The following RAP1GAP variants were observed in gnomAD, a reference collection of about 807,000 sequenced individuals.
The protein encoded by RAP1GAP is rap1 GTPase-activating protein 1.
Under a neutral mutation model 87.2 loss-of-function variants are expected in RAP1GAP, and 35 were observed. The observed-to-expected ratio is 0.40, with a 90% CI of 0.31 to 0.53. The LOEUF (loss-of-function observed/expected upper bound fraction) is 0.53, where lower values mean the gene tolerates loss of function less well. RAP1GAP is among the 20% of genes least tolerant of loss of function. RAP1GAP has a pLI of 0.48. For missense variants in RAP1GAP, 734 were observed against 898.9 expected (o/e 0.82, Z 2.35); for synonymous variants, 375 against 363.9 (o/e 1.03, Z -0.35).
In RAP1GAP at chr1:21,658,758, TAATA is replaced by T. The variant is rs371697815; in HGVS notation, c.-148-8966_-148-8963del. 7.4e-4 allele frequency among the ~76,000 whole-genome samples: 113 copies of T among 151,982 alleles called. No homozygotes were observed. The East Asian group carries it at 0.018, about 24-fold the overall frequency. On this transcript the variant is annotated intron_variant, in intron 1 of 24. Coordinates refer to ENST00000374765, the MANE Select transcript of RAP1GAP (RefSeq NM_002885.4). ...TTTTTTAAATCTAAGGGTATATTTT[TAATA>T]AATAGGTGCCCAAGGCTGGTTACTT...
chr1:21,613,794 G>A lies in RAP1GAP; in HGVS notation c.396-88C>T. ...CCCCCACAAAGTAAGGCCAGAAGGG[G>A]GTGGACCACAGCGAGGACCAGAGGT... On this transcript the variant is annotated intron_variant, in intron 8 of 24. Transcript: ENST00000374765. This position sits in a 1 kb window ranked among gnomAD's most constrained non-coding sequence, Gnocchi z 4.7. 3 of 1,354,440 alleles carry A rather than the reference G, an allele frequency of 2.2e-6. No individual in the cohort carries two copies. Among genetic ancestry groups the A allele is most frequent in the South Asian group, 1.2e-5 (1 of 85,594 alleles). 83.9% of individuals were successfully genotyped at this position (1,354,440 alleles called of 1,614,324 possible).
At chr1:21,644,660 G>A (rs1423047442) in intron 2 of RAP1GAP, among the ~76,000 whole-genome samples, 1 of 152,122 alleles carries the variant, frequency 6.6e-6, no homozygotes, top group East Asian at 1.9e-4. Flanking sequence ...AGCACTTTGG[G>A]AGGCCAAGGC....
chr1:21,626,284 G>C lies in RAP1GAP; in HGVS notation c.-19+20C>G. 6.4e-7 allele frequency: 1 copy of C among 1,568,896 alleles called. No individual in the cohort carries two copies. The highest frequency in any genetic ancestry group is 8.8e-7 in the Non-Finnish European group (1 of 1,139,006). The stretch of plus-strand genomic sequence containing the variant: ...GTAGGGGGCAGACCAGGGGCCGTAG[G>C]TATGGAGGGGGACACTTACCTTAGG... On this transcript the variant is annotated intron_variant, in intron 3 of 24. Transcript: ENST00000374765.
intron 2 of RAP1GAP, among the ~76,000 whole-genome samples, chr1:21,648,565 C>T (rs981979301): frequency 2.9e-4 from 43 of 146,090 alleles, no homozygotes; most frequent in Non-Finnish European, 5.8e-4. Context: ...GATAACACGT[C>T]AGGCGTCTAC....
At chr1:21,626,683 G>C (rs2092235741) in intron 2 of RAP1GAP, among the ~76,000 whole-genome samples, 1 of 152,162 alleles carries the variant, frequency 6.6e-6, no homozygotes, top group African/African-American at 2.4e-5. Flanking sequence ...GACTGAGGCA[G>C]GGGCACTGAG....
chr1:21,598,608 C>T (rs1337418904), intron 21 of RAP1GAP, 106 bp from the exon 22 acceptor site: 15 of 947,842 alleles, frequency 1.6e-5, no homozygotes, highest in South Asian at 3.0e-5. Flanking sequence ...ACCCCCCACC[C>T]GTACCCTCTG....
At position 21,602,920 on chromosome 1, in the gene RAP1GAP, G is replaced by A; in HGVS notation, c.1429-7C>T. On this transcript the variant is annotated splice_region_variant and splice_polypyrimidine_tract_variant and intron_variant, in intron 18 of 24. Transcript: ENST00000374765. ...TCCCAGGGACAATCAGTGACTGTGG[G>A]GAGAGGCCCCAACTCAGTGCCACCT... The A allele has an allele frequency of 6.2e-7, 1 of 1,602,104 alleles. No homozygotes were observed. The highest frequency in any genetic ancestry group is 8.5e-7 in the Non-Finnish European group (1 of 1,173,350).
Position 21,651,247 on chromosome 1 carries a change from C to T in RAP1GAP, c.-148-1451G>A, listed in dbSNP as rs1282979085. Reference sequence around the variant, plus strand: ...GCCAGGATGCAGGAAGGAGGGCAGCCTGGTGCCCAGGGTGGGCAGGACCTG... The same window carrying T: ...GCCAGGATGCAGGAAGGAGGGCAGCTTGGTGCCCAGGGTGGGCAGGACCTG... On this transcript the variant is annotated intron_variant, in intron 1 of 24. Coordinates refer to ENST00000374765, the MANE Select transcript of RAP1GAP (RefSeq NM_002885.4). 4 of 367,550 alleles carry T rather than the reference C, an allele frequency of 1.1e-5. No homozygotes were observed. In the East Asian group the frequency reaches 3.0e-4, roughly 27 times the overall value. The allele number at this position is 367,550 out of a possible 1,614,324, so 22.8% of individuals were successfully genotyped here.
intron 22 of RAP1GAP, 116 bp from the exon 23 acceptor site, chr1:21,598,180 C>G (rs377666536): frequency 1.2e-5 from 9 of 780,698 alleles, no homozygotes; most frequent in Middle Eastern, 3.9e-4. Context: ...TAACTTTCTT[C>G]CTTGCCATCC....
intron 7 of RAP1GAP, among the ~76,000 whole-genome samples, chr1:21,616,050 C>T (rs2149563288): frequency 6.6e-6 from 1 of 152,102 alleles, no homozygotes; most frequent in African/African-American, 2.4e-5. Context: ...TGGTTAGCAC[C>T]GGTGTCTCCC....
At position 21,604,292 on chromosome 1, in the gene RAP1GAP, A is replaced by G. The variant is rs147171127; in HGVS notation, c.1429-1379T>C. 6.6e-5 allele frequency among the ~76,000 whole-genome samples: 10 copies of G among 151,986 alleles called. No homozygotes were observed. The East Asian group carries it at 1.9e-3, about 30-fold the overall frequency. On this transcript the variant is annotated intron_variant, in intron 18 of 24. Transcript: ENST00000374765. ...AGAGAAGGAAGCCAGGGGAAGGCCG[A>G]AAGGAAAAAGCGAGGGTGAGAAGAG... is the stretch of plus-strand genomic sequence containing the variant.
chr1:21,606,585 C>G (rs547849657), intron 17 of RAP1GAP, among the ~76,000 whole-genome samples: 5 of 152,216 alleles, frequency 3.3e-5, no homozygotes, highest in South Asian at 2.1e-4. Flanking sequence ...AAAGTGTGCA[C>G]AGAGAGCCCT....
At chr1:21,599,322 C>T (rs80231390) in intron 21 of RAP1GAP, among the ~76,000 whole-genome samples, 172 bp downstream of exon 21, 61 of 152,242 alleles carry the variant, frequency 4.0e-4, no homozygotes, top group African/African-American at 1.3e-3. Flanking sequence ...GCTGGGGAGC[C>T]GTGGAAGGCT....
At chr1:21,647,545 T>C (rs2096179025) in intron 2 of RAP1GAP, among the ~76,000 whole-genome samples, 1 of 152,206 alleles carries the variant, frequency 6.6e-6, no homozygotes, top group South Asian at 2.1e-4. Context: ...TGTGAACACA[T>C]GCAGCTCACC....
chr1:21,651,846 C>G (rs957404723), intron 1 of RAP1GAP: 17 of 1,133,316 alleles, frequency 1.5e-5, no homozygotes, highest in Non-Finnish European at 1.7e-5. Context: ...CCGCCCGGCC[C>G]GGCCCGCGCG....
At chr1:21,650,872 A>G (rs542417857) in intron 1 of RAP1GAP, among the ~76,000 whole-genome samples, 3 of 144,020 alleles carry the variant, frequency 2.1e-5, no homozygotes, top group Admixed American at 1.4e-4. Flanking sequence ...TTGAGCGTCC[A>G]CAAGGGGAAG....
chr1:21,628,431 A>T (rs2092922359), intron 2 of RAP1GAP, among the ~76,000 whole-genome samples: 1 of 120,056 alleles, frequency 8.3e-6, no homozygotes, highest in South Asian at 3.0e-4. Flanking sequence ...AAAAAAAAAA[A>T]AATACAGGCT....
At chr1:21,632,304 C>T (rs976271152) in intron 2 of RAP1GAP, among the ~76,000 whole-genome samples, 2 of 152,208 alleles carry the variant, frequency 1.3e-5, no homozygotes, top group Non-Finnish European at 2.9e-5. Flanking sequence ...TGCACCTCCT[C>T]CCCCTCCCTT....
In RAP1GAP at chr1:21,602,812, C is replaced by G. The variant is rs866155; in HGVS notation, c.1530G>C (p.Gln510His). The part of the protein sequence containing the change: ...AIGIENIQEV[Q>H]EKRESPPAGQ... ...GTCCCCCACTCACCCACCTCTTCTC[C>G]TGCACCTCCTGTATGTTCTCGATGC... Residue 510 changes from glutamine to histidine, a missense_variant, in exon 19 of 25, where the codon CAG (glutamine) becomes CAC (histidine). Gln to His is a conservative substitution (Grantham distance 24). Transcript: ENST00000374765. 6.2e-7 allele frequency: 1 copy of G among 1,607,346 alleles called. No individual in the cohort carries two copies. Among genetic ancestry groups the G allele is most frequent in the Middle Eastern group, 1.7e-4 (1 of 6,052 alleles).
Sources: gnomAD v4.1 joint callset for allele counts (sites outside exome capture counted in the v4.1 genomes callset) on GRCh38, gnomAD v4.1.1 for gene constraint, Gnocchi (gnomAD v3.1) non-coding constraint, MANE v1.5 for transcripts, NCBI Gene and HGNC (gene_info 2026-07-23, HGNC 2026-07-21) for gene names.